Variants in PAQR5 observed in about 807,000 individuals in gnomAD.
PAQR5 encodes the protein progestin and adipoQ receptor family member 5.
A neutral mutation model predicts 34.5 loss-of-function variants in PAQR5; 20 were observed. That is an observed-to-expected ratio of 0.58 (90% CI 0.41 to 0.84). The LOEUF (loss-of-function observed/expected upper bound fraction) is 0.84. Among genes scored for constraint, PAQR5 ranks in the 40% least tolerant of loss-of-function variants. PAQR5 has a pLI of 0.00. For missense variants in PAQR5, 378 were observed against 412.7 expected (o/e 0.92, Z 0.73); for synonymous variants, 131 against 155.6 (o/e 0.84, Z 1.18).
intron 1 of PAQR5, among the ~76,000 whole-genome samples, chr15:69,303,349 A>G (rs1595823980): frequency 6.6e-6 from 1 of 152,108 alleles, no homozygotes; most frequent in Non-Finnish European, 1.5e-5. Flanking sequence ...CTCCAGAGTT[A>G]CCCAAAGGGG....
intron 2 of PAQR5, among the ~76,000 whole-genome samples, chr15:69,340,743 T>C (rs76090563): frequency 0.018 from 2,777 of 152,276 alleles, 60 homozygotes; most frequent in African/African-American, 0.049. Flanking sequence ...TATTTTTGAC[T>C]TTGCCAGGCC....
intron 3 of PAQR5, among the ~76,000 whole-genome samples, chr15:69,363,436 A>G (rs1036382049): frequency 1.5e-4 from 23 of 152,148 alleles, no homozygotes; most frequent in Non-Finnish European, 2.5e-4. Flanking sequence ...CCCTTTAGAG[A>G]CAAAACAGAG....
rs1014823927 is a variant in PAQR5, at chr15:69,339,100, C to T, written c.-116+1599C>T. Among the ~76,000 whole-genome samples the T allele has an allele frequency of 4.7e-5, 7 of 149,198 alleles. 1 individual carries two copies. Among genetic ancestry groups the T allele is most frequent in the Non-Finnish European group, 8.9e-5 (6 of 67,500 alleles). On this transcript the variant is annotated intron_variant, in intron 2 of 8. Coordinates refer to ENST00000395407, the MANE Select transcript of PAQR5 (RefSeq NM_017705.4). ...GGGCCCCACCCAGGAACTGAGTCAGCGCAAGAAGACAGGTTCGACTCCCTA... is the reference window on the plus strand; with the variant it reads ...GGGCCCCACCCAGGAACTGAGTCAGTGCAAGAAGACAGGTTCGACTCCCTA...
intron 5 of PAQR5, among the ~76,000 whole-genome samples, chr15:69,386,221 C>T (rs2056104122): frequency 6.6e-6 from 1 of 151,202 alleles, no homozygotes; most frequent in Admixed American, 6.6e-5. Context: ...CACACTCACA[C>T]TCTCACATAC....
At chr15:69,346,484 G>T (rs946751296) in intron 2 of PAQR5, among the ~76,000 whole-genome samples, 5 of 151,254 alleles carry the variant, frequency 3.3e-5, no homozygotes, top group Non-Finnish European at 7.4e-5. Context: ...ATTTTTTGTA[G>T]GGAGGAGGTA....
At chr15:69,398,153 A>C (rs992485870) in intron 7 of PAQR5, among the ~76,000 whole-genome samples, 1 of 152,184 alleles carries the variant, frequency 6.6e-6, no homozygotes, top group Admixed American at 6.5e-5. Context: ...GACTGGTAGC[A>C]AGAGTTCGGG....
chr15:69,378,731 A>G (rs1331693576), intron 3 of PAQR5, among the ~76,000 whole-genome samples: 1 of 152,136 alleles, frequency 6.6e-6, no homozygotes, highest in Non-Finnish European at 1.5e-5. Flanking sequence ...GTATGGCAAC[A>G]TTTATCTAAA....
intron 1 of PAQR5, among the ~76,000 whole-genome samples, chr15:69,319,180 T>TAC (rs2054032982): frequency 3.2e-4 from 1 of 3,094 alleles, no homozygotes; most frequent in Non-Finnish European, 5.1e-3. Flanking sequence ...TATATATATA[T>TAC]ATATATATAT....
intron 6 of PAQR5, among the ~76,000 whole-genome samples, chr15:69,395,380 A>G (rs1360322218): frequency 6.6e-6 from 1 of 152,244 alleles, no homozygotes; most frequent in African/African-American, 2.4e-5. Flanking sequence ...TTATTGGCTC[A>G]TCTGACTTCA....
rs1285612037 is a variant in PAQR5, at chr15:69,403,654, C to T, written c.825C>T (p.Asp275=). The change falls in exon 9 of 9, where the codon GAC becomes GAT. Residue 275 remains aspartate (D), a synonymous_variant. Coordinates refer to ENST00000395407, the MANE Select transcript of PAQR5 (RefSeq NM_017705.4). ...THMQMEAILL[D]KTLRKEWLLA... Reference sequence around the variant, plus strand: ...TGCAGATGGAAGCCATACTTCTGGACAAGACTCTGAGGAAGGAATGGCTCC... The same window carrying T: ...TGCAGATGGAAGCCATACTTCTGGATAAGACTCTGAGGAAGGAATGGCTCC... The T allele has an allele frequency of 6.2e-7, 1 of 1,614,010 alleles. No homozygotes were observed. Among genetic ancestry groups the T allele is most frequent in the Admixed American group, 1.7e-5 (1 of 60,012 alleles).
intron 2 of PAQR5, among the ~76,000 whole-genome samples, chr15:69,357,477 TGG>T (rs57048096): frequency 0.86 from 130,969 of 151,780 alleles, 57,910 homozygotes; most frequent in South Asian, 0.98. Flanking sequence ...TTGCCCAGGT[TGG>T]TCTCAAACTC....
chr15:69,309,702 T>C (rs1367934277), intron 1 of PAQR5, among the ~76,000 whole-genome samples: 1 of 152,182 alleles, frequency 6.6e-6, no homozygotes, highest in Non-Finnish European at 1.5e-5. Context: ...CCCCTGCGTC[T>C]TAATTTTTCC....
chr15:69,369,745 AT>A (rs3085530), intron 3 of PAQR5, among the ~76,000 whole-genome samples: 28 of 148,456 alleles, frequency 1.9e-4, no homozygotes, highest in African/African-American at 6.7e-4. Flanking sequence ...TTTGGGAGAG[AT>A]TTTTTTTTTT....
intron 1 of PAQR5, among the ~76,000 whole-genome samples, chr15:69,302,998 T>C (rs976768261): frequency 1.1e-4 from 17 of 152,212 alleles, no homozygotes; most frequent in African/African-American, 4.1e-4. Context: ...ATTTCACTCC[T>C]TAATCTTGTT....
Position 69,322,768 on chromosome 15 carries a change from AAGAGGG to A in PAQR5, c.-276-14569_-276-14564del, listed in dbSNP as rs1230103033. 6.1e-3 allele frequency among the ~76,000 whole-genome samples: 222 copies of A among 36,328 alleles called. 6 individuals carry two copies. Among genetic ancestry groups the A allele is most frequent in the Middle Eastern group, 0.013 (1 of 78 alleles). The allele number at this position is 36,328 out of a possible 152,430, so 23.8% of individuals were successfully genotyped here. A position where few individuals can be genotyped will look rare whatever the true frequency, so the allele number is the denominator to read the frequency against. ...GAAGAAGAAGAAGAAGAAGAAGAAGAAGAGGGAGAAGAAGAAGACGAGGAAGAAGAA... is the reference window on the plus strand; with the variant it reads ...GAAGAAGAAGAAGAAGAAGAAGAAGAAGAAGAAGAAGACGAGGAAGAAGAA... On this transcript the variant is annotated intron_variant, in intron 1 of 8. Transcript: ENST00000395407.
chr15:69,350,857 T>G (rs1024511233), intron 2 of PAQR5, among the ~76,000 whole-genome samples: 3 of 152,198 alleles, frequency 2.0e-5, no homozygotes, highest in Admixed American at 6.5e-5. Flanking sequence ...TCTCCCAGGC[T>G]TCGCCAAAGG....
In PAQR5 at chr15:69,403,630, G is replaced by A; in HGVS notation, c.801G>A (p.Met267Ile). 1 of 1,614,122 alleles carries A rather than the reference G, an allele frequency of 6.2e-7. No homozygotes were observed. Among genetic ancestry groups the A allele is most frequent in the Non-Finnish European group, 8.5e-7 (1 of 1,179,990 alleles). Reference protein sequence around the residue: ...FHVCVILATHMQMEAILLDKT... With the variant: ...FHVCVILATHIQMEAILLDKT... ...TGTGTGTGATCCTGGCCACGCACAT[G>A]CAGATGGAAGCCATACTTCTGGACA... Residue 267 changes from methionine to isoleucine, a missense_variant, in exon 9 of 9, where the codon ATG becomes ATA. Physicochemically the swap from Met to Ile is conservative, Grantham distance 10 (BLOSUM62 1). Transcript: ENST00000395407.
chr15:69,355,002 C>T lies in PAQR5; in HGVS notation c.-115-4964C>T, dbSNP rs951029946. Among the ~76,000 whole-genome samples, 7 of 152,242 alleles carry T rather than the reference C, an allele frequency of 4.6e-5. No homozygotes were observed. In the East Asian group the frequency reaches 5.8e-4, roughly 13 times the overall value. On this transcript the variant is annotated intron_variant, in intron 2 of 8. Transcript: ENST00000395407. ...GTTCTCAGGGCCTTCTGCCTCAGTC[C>T]GAGAGTTAAACCATCAGGTTCCCTC...
At chr15:69,364,958 G>A (rs2055356542) in intron 3 of PAQR5, among the ~76,000 whole-genome samples, 1 of 151,790 alleles carries the variant, frequency 6.6e-6, no homozygotes, top group East Asian at 1.9e-4. Context: ...GGCTGGTCTT[G>A]AACCCCTGAC....
Sources: gnomAD v4.1 joint callset for allele counts (sites outside exome capture counted in the v4.1 genomes callset) on GRCh38, gnomAD v4.1.1 for gene constraint, MANE v1.5 for transcripts, NCBI Gene and HGNC (gene_info 2026-07-23, HGNC 2026-07-21) for gene names.